Variants in BTBD9 observed in about 807,000 individuals in gnomAD.
BTBD9 encodes the protein BTB domain containing 9.
Under a neutral mutation model 64.3 loss-of-function variants are expected in BTBD9, and 49 were observed. The observed-to-expected ratio is 0.76, with a 90% CI of 0.61 to 0.97. The LOEUF is 0.97. BTBD9 is among the 50% of genes least tolerant of loss of function. BTBD9 has a pLI of 0.00. For missense variants in BTBD9, 598 were observed against 762.1 expected, an observed-to-expected ratio of 0.78 and a Z score of 2.53; for synonymous variants, 260 against 274.7, an observed-to-expected ratio of 0.95 and a Z score of 0.53.
intron 9 of BTBD9, among the ~76,000 whole-genome samples, chr6:38,239,547 C>G (rs1049885749): frequency 1.3e-5 from 2 of 151,664 alleles, no homozygotes; most frequent in African/African-American, 4.8e-5. Flanking sequence ...CTTCAGGATA[C>G]CAAACCCTTG....
At chr6:38,437,658 T>C (rs549119332) in intron 6 of BTBD9, among the ~76,000 whole-genome samples, 1 of 152,352 alleles carries the variant, frequency 6.6e-6, no homozygotes, top group East Asian at 1.9e-4. Context: ...TTTGTAATGC[T>C]TGTAAGGATT....
intron 4 of BTBD9, among the ~76,000 whole-genome samples, chr6:38,584,620 C>T (rs924894977): frequency 2.6e-5 from 4 of 152,132 alleles, no homozygotes; most frequent in Admixed American, 1.3e-4. Flanking sequence ...TCATTCGCCC[C>T]AGTGGATTAT....
At chr6:38,582,829 C>T (rs1447617823) in intron 4 of BTBD9, among the ~76,000 whole-genome samples, 1 of 152,124 alleles carries the variant, frequency 6.6e-6, no homozygotes. Context: ...AAAAAATACA[C>T]TACAGATAAA....
intron 7 of BTBD9, among the ~76,000 whole-genome samples, chr6:38,341,918 T>A (rs1764118271): frequency 6.6e-6 from 1 of 152,174 alleles, no homozygotes; most frequent in Admixed American, 6.5e-5. Context: ...CGTGGCTATA[T>A]GAACCCGAGG....
chr6:38,261,027 T>C (rs575733084), intron 8 of BTBD9, among the ~76,000 whole-genome samples: 8 of 152,206 alleles, frequency 5.3e-5, no homozygotes, highest in Admixed American at 3.3e-4. Context: ...GCAGCCTCAA[T>C]TTCCTGGACT....
chr6:38,579,027 T>C (rs1227615020), intron 5 of BTBD9, among the ~76,000 whole-genome samples: 1 of 152,238 alleles, frequency 6.6e-6, no homozygotes, highest in Non-Finnish European at 1.5e-5. Context: ...ATTATACTGT[T>C]ATAATTAATC....
At chr6:38,328,109 T>G (rs1763511495) in intron 7 of BTBD9, among the ~76,000 whole-genome samples, 1 of 152,230 alleles carries the variant, frequency 6.6e-6, no homozygotes, top group South Asian at 2.1e-4. Context: ...TATGTAATAC[T>G]TTCATTCATA....
chr6:38,194,816 GCTCTGGC>G (rs1481404037), intron 9 of BTBD9, among the ~76,000 whole-genome samples: 1 of 151,758 alleles, frequency 6.6e-6, no homozygotes, highest in African/African-American at 2.4e-5. Context: ...TGGGCTCTGG[GCTCTGGC>G]CCCACTGCCC....
intron 10 of BTBD9, among the ~76,000 whole-genome samples, chr6:38,186,690 C>T (rs1437852380): frequency 6.6e-6 from 1 of 152,184 alleles, no homozygotes; most frequent in African/African-American, 2.4e-5. Flanking sequence ...CCTCTCTCCT[C>T]ACTATATAAA....
intron 6 of BTBD9, among the ~76,000 whole-genome samples, chr6:38,551,871 AG>A (rs1292125242): frequency 1.3e-5 from 2 of 152,230 alleles, no homozygotes; most frequent in Admixed American, 6.5e-5. Flanking sequence ...TGTTGAAGGC[AG>A]GGTTTAAGGC....
At chr6:38,245,916 T>A (rs1764178081) in intron 9 of BTBD9, among the ~76,000 whole-genome samples, 2 of 152,350 alleles carry the variant, frequency 1.3e-5, no homozygotes, top group East Asian at 1.9e-4. Flanking sequence ...TCATTTTTTT[T>A]ATAACAGGCA....
intron 6 of BTBD9, among the ~76,000 whole-genome samples, chr6:38,458,732 G>A (rs145019076): frequency 4.6e-5 from 7 of 152,166 alleles, no homozygotes; most frequent in Non-Finnish European, 1.0e-4. Flanking sequence ...TTTGTGGTCA[G>A]AAGCAAGGTC....
intron 6 of BTBD9, among the ~76,000 whole-genome samples, chr6:38,478,610 A>T (rs2127377600): frequency 6.6e-6 from 1 of 152,312 alleles, no homozygotes; most frequent in Non-Finnish European, 1.5e-5. Context: ...GGCAGACAAA[A>T]CAGAAAACTA....
chr6:38,615,442 C>G (rs1201373500), intron 1 of BTBD9, among the ~76,000 whole-genome samples: 1 of 152,164 alleles, frequency 6.6e-6, no homozygotes, highest in African/African-American at 2.4e-5. Flanking sequence ...CCAACCACCT[C>G]CCCAAACTCA....
chr6:38,310,512 G>A (rs890748961), intron 7 of BTBD9, among the ~76,000 whole-genome samples: 1 of 152,128 alleles, frequency 6.6e-6, no homozygotes, highest in Non-Finnish European at 1.5e-5. Context: ...ATCATGCCAT[G>A]TTTTTCAGTA....
At chr6:38,362,588 A>G (rs910335585) in intron 6 of BTBD9, among the ~76,000 whole-genome samples, 1 of 152,254 alleles carries the variant, frequency 6.6e-6, no homozygotes, top group African/African-American at 2.4e-5. Context: ...CCAGTGGTAT[A>G]GAGTATGAAA....
At chr6:38,230,506 A>G (rs1457344067) in intron 9 of BTBD9, among the ~76,000 whole-genome samples, 1 of 151,074 alleles carries the variant, frequency 6.6e-6, no homozygotes, top group Non-Finnish European at 1.5e-5. Flanking sequence ...AAAAAAAAAA[A>G]AAAAAAAAAA....
chr6:38,195,213 A>G (rs1762235421), intron 9 of BTBD9, among the ~76,000 whole-genome samples: 1 of 152,214 alleles, frequency 6.6e-6, no homozygotes, highest in Non-Finnish European at 1.5e-5. Context: ...TGCAATCACT[A>G]TGAAACCTCA....
intron 8 of BTBD9, among the ~76,000 whole-genome samples, chr6:38,263,265 C>T (rs1764854781): frequency 6.6e-6 from 1 of 152,202 alleles, no homozygotes; most frequent in Admixed American, 6.5e-5. Context: ...TTAGGCAAGT[C>T]ACTTTACTTA....
Sources: gnomAD v4.1 joint callset for allele counts (sites outside exome capture counted in the v4.1 genomes callset) on GRCh38, gnomAD v4.1.1 for gene constraint, MANE v1.5 for transcripts, NCBI Gene and HGNC (gene_info 2026-07-23, HGNC 2026-07-21) for gene names.